MXRA5: variants seen among roughly 807,000 people sequenced by gnomAD.
MXRA5 encodes matrix-remodeling-associated protein 5.
Under a neutral mutation model 112.5 loss-of-function variants are expected in MXRA5, and 41 were observed. The observed-to-expected ratio is 0.36, with a 90% CI of 0.28 to 0.47. The LOEUF is 0.47. Ranked by LOEUF, MXRA5 falls within the 20% of genes least tolerant of loss-of-function variation. The pLI, the probability that MXRA5 is intolerant of heterozygous loss-of-function variation, is 0.99. For missense variants in MXRA5, 2,150 were observed against 2,251.0 expected, an observed-to-expected ratio of 0.96 and a Z score of 0.91; for synonymous variants, 862 against 900.8, an observed-to-expected ratio of 0.96 and a Z score of 0.77.
chrX:3,341,907 G>A (rs1431523898), intron 2 of MXRA5, among the ~76,000 whole-genome samples: 8 of 106,434 alleles, frequency 7.5e-5, no homozygotes, highest in Non-Finnish European at 1.3e-4. Context: ...CAAGGGTGGA[G>A]GAAAAAGAAG....
At chrX:3,315,298 T>TAGAA (rs1921065658) in intron 6 of MXRA5, among the ~76,000 whole-genome samples, 1 of 16,314 alleles carries the variant, frequency 6.1e-5, no homozygotes, top group Non-Finnish European at 1.0e-4. Context: ...GATGGATGGA[T>TAGAA]AGACAGAAAG....
chrX:3,314,165 T>C (rs1921032978), intron 6 of MXRA5, among the ~76,000 whole-genome samples: 1 of 112,407 alleles, frequency 8.9e-6, no homozygotes, highest in Non-Finnish European at 1.9e-5. Flanking sequence ...TTACCTTTCC[T>C]CTACTATCTG....
In MXRA5 at chrX:3,321,026, T is replaced by A. The variant is rs1439963285; in HGVS notation, c.4659A>T (p.Ser1553=). The A allele has an allele frequency of 8.3e-7, 1 of 1,210,574 alleles. No individual in the cohort carries two copies. The highest frequency in any genetic ancestry group is 2.2e-5 in the Admixed American group (1 of 45,814). The change falls in exon 5 of 7, where the codon TCA becomes TCT. Residue 1553 remains serine, a synonymous_variant. Coordinates refer to ENST00000217939, the MANE Select transcript of MXRA5 (RefSeq NM_015419.4). The part of the protein sequence containing the change: ...PVNNEGTQHM[S]GPNELSTPSS... ...AGGGTGTTGATAATTCATTTGGCCC[T>A]GACATATGCTGTGTTCCTTCATTGT...
chrX:3,342,312 T>A (rs1402178523), intron 2 of MXRA5, among the ~76,000 whole-genome samples: 1 of 111,089 alleles, frequency 9.0e-6, no homozygotes, highest in Non-Finnish European at 1.9e-5. Flanking sequence ...GGCACACATA[T>A]ACCTATGTAA....
At chrX:3,325,948 T>G (rs1415516386) in intron 4 of MXRA5, among the ~76,000 whole-genome samples, 1 of 92,438 alleles carries the variant, frequency 1.1e-5, no homozygotes, top group Admixed American at 1.4e-4. Context: ...TAATTGTAAT[T>G]TATAATATAT....
At chrX:3,344,666 C>G (rs1246560509) in intron 1 of MXRA5, among the ~76,000 whole-genome samples, 1 of 111,995 alleles carries the variant, frequency 8.9e-6, no homozygotes, top group Non-Finnish European at 1.9e-5. Context: ...TCTTCTTGTC[C>G]TGGCAATGCC....
At position 3,315,362 on chromosome X, in the gene MXRA5, TAGATAGATAGA is replaced by T. The variant is rs1921073448; in HGVS notation, c.6578+1730_6578+1740del. ...GATAGATAGATGATAGATAGATAGA[TAGATAGATAGA>T]ATAGATAGATAGATAGATGATAGAT... is the stretch of plus-strand genomic sequence containing the variant. On this transcript the variant is annotated intron_variant, in intron 6 of 6. Coordinates refer to ENST00000217939, the MANE Select transcript of MXRA5 (RefSeq NM_015419.4). 7.1e-5 allele frequency among the ~76,000 whole-genome samples: 3 copies of T among 42,206 alleles called. 1 individual carries two copies. Among genetic ancestry groups the T allele is most frequent in the African/African-American group, 3.6e-4 (2 of 5,528 alleles). 36.7% of individuals were successfully genotyped at this position (42,206 alleles called of 115,157 possible). A position where few individuals can be genotyped will look rare whatever the true frequency, so the allele number is the denominator to read the frequency against.
At chrX:3,338,937 C>T (rs1425307795) in intron 2 of MXRA5, among the ~76,000 whole-genome samples, 1 of 101,815 alleles carries the variant, frequency 9.8e-6, no homozygotes, top group East Asian at 3.1e-4. Flanking sequence ...AATAGGCAGA[C>T]TATAGATAAT....
chrX:3,346,459 C>T (rs1393368992), intron 1 of MXRA5, 56 bp downstream of exon 1: 11 of 720,537 alleles, frequency 1.5e-5, no homozygotes, highest in African/African-American at 1.4e-4. Context: ...AATCCCTTCA[C>T]CCCCTGCAGG....
Position 3,310,303 on chromosome X carries a change from C to A in MXRA5, c.7900G>T (p.Gly2634Ter), listed in dbSNP as rs1391107940. Residue 2634 changes from glycine to a stop codon, truncating the protein, a stop_gained, in exon 7 of 7, where the codon GGA becomes TGA. Transcript: ENST00000217939. LOFTEE classifies it high-confidence loss of function. ...HTERLVSLKV[G>*]LKPEANKQYH... is the part of the protein sequence containing the mutation. ...TGCTTGTTTGCTTCTGGCTTCAGTCCCACCTTCAGGGAGACCAGCCTCTCC... is the reference window on the plus strand; with the variant it reads ...TGCTTGTTTGCTTCTGGCTTCAGTCACACCTTCAGGGAGACCAGCCTCTCC... The A allele has an allele frequency of 1.2e-5, 14 of 1,206,714 alleles. No homozygotes were observed. Among genetic ancestry groups the A allele is most frequent in the Non-Finnish European group, 1.6e-5 (14 of 893,058 alleles).
At position 3,330,724 on chromosome X, in the gene MXRA5, T is replaced by G. The variant is rs145982417; in HGVS notation, c.238A>C (p.Lys80Gln). 41 of 1,206,512 alleles carry G rather than the reference T, an allele frequency of 3.4e-5. No individual in the cohort carries two copies. The African/African-American group carries it at 5.1e-4, about 15-fold the overall frequency. The change falls in exon 3 of 7, where the codon AAG becomes CAG. Residue 80 changes from lysine (K) to glutamine (Q), a missense_variant. This residue lies in a region of MXRA5 where 386 missense variants were observed against 411.0 expected (regional missense o/e 0.94). Transcript: ENST00000217939. ...LSETSFAGLT[K>Q]LELLMIHGNE... ...CCGTGAATCATAAGTAGCTCCAACT[T>G]GGTCAGTCCTGCAAATGAGGTTTCT... is the stretch of plus-strand genomic sequence containing the variant.
At position 3,310,014 on chromosome X, in the gene MXRA5, G is replaced by A. The variant is rs777124166; in HGVS notation, c.8189C>T (p.Ala2730Val). The part of the protein sequence containing the change: ...SVTSIPVIVI[A>V]YPPRITSEPT... ...CTCGCTGGTGATCCGGGGAGGATAG[G>A]CGATCACAATCACGGGGATGCTGGT... is the stretch of plus-strand genomic sequence containing the variant. Residue 2730 changes from alanine to valine, a missense_variant, in exon 7 of 7, where the codon GCC becomes GTC. Coordinates refer to ENST00000217939, the MANE Select transcript of MXRA5 (RefSeq NM_015419.4). 8.3e-7 allele frequency: 1 copy of A among 1,211,575 alleles called. No individual in the cohort carries two copies. Among genetic ancestry groups the A allele is most frequent in the South Asian group, 1.8e-5 (1 of 56,934 alleles).
At chrX:3,328,635 G>A (rs1032857936) in intron 4 of MXRA5, among the ~76,000 whole-genome samples, 1 of 110,622 alleles carries the variant, frequency 9.0e-6, no homozygotes, top group Non-Finnish European at 1.9e-5. Flanking sequence ...GAGGAAAGGA[G>A]CTTGATCCAG....
rs769717047 is a variant in MXRA5 at position 3,321,406 on chromosome X, T to A, written c.4279A>T (p.Thr1427Ser). The A allele has an allele frequency of 1.5e-5, 18 of 1,210,074 alleles. No individual in the cohort carries two copies. In the South Asian group the frequency reaches 3.2e-4, roughly 21 times the overall value. The change falls in exon 5 of 7, where the codon ACA (threonine) becomes TCA (serine). Residue 1427 changes from threonine to serine, a missense_variant. Physicochemically the swap from Thr to Ser is moderately conservative, Grantham distance 58. Coordinates refer to ENST00000217939, the MANE Select transcript of MXRA5 (RefSeq NM_015419.4). Reference protein sequence around the residue: ...DFTSEFLSSLTVSTPFHQEEA... With the variant: ...DFTSEFLSSLSVSTPFHQEEA... ...TCCTGGTGAAATGGTGTGGAGACTG[T>A]CAAAGAGGACAAAAACTCGGAAGTG...
At position 3,320,181 on chromosome X, in the gene MXRA5, T is replaced by G; in HGVS notation, c.5504A>C (p.Lys1835Thr). ...SSGSFHQSSS[K>T]FFAGGPPASK... ...TGCAGGAGGTCCTCCTGCAAAGAAC[T>G]TTGAGCTGCTCTGGTGGAAGCTTCC... Residue 1835 changes from lysine to threonine, a missense_variant, in exon 5 of 7, where the codon AAG (lysine) becomes ACG (threonine). Lys to Thr is a moderately conservative substitution (Grantham distance 78). Transcript: ENST00000217939. 8.3e-7 allele frequency: 1 copy of G among 1,210,855 alleles called. No homozygotes were observed. The highest frequency in any genetic ancestry group is 3.0e-5 in the East Asian group (1 of 33,793).
rs1463757120 is a variant in MXRA5, at chrX:3,320,860, G to A, written c.4825C>T (p.Pro1609Ser). The A allele has an allele frequency of 8.3e-7, 1 of 1,210,080 alleles. No individual in the cohort carries two copies. Among genetic ancestry groups the A allele is most frequent in the Non-Finnish European group, 1.1e-6 (1 of 895,321 alleles). Reference protein sequence around the residue: ...VHASHQLTRVPAKPILPTATV... With the variant: ...VHASHQLTRVSAKPILPTATV... ...GCTGTTGGTAGGATGGGTTTGGCAGGGACTCTGGTTAGTTGATGAGAAGCA... is the reference window on the plus strand; with the variant it reads ...GCTGTTGGTAGGATGGGTTTGGCAGAGACTCTGGTTAGTTGATGAGAAGCA... The change falls in exon 5 of 7, where the codon CCT becomes TCT. Residue 1609 changes from proline (P) to serine (S), a missense_variant. This residue lies in a region of MXRA5 where 1,485 missense variants were observed against 1,471.6 expected (regional missense o/e 1.01). Transcript: ENST00000217939.
intron 4 of MXRA5, among the ~76,000 whole-genome samples, chrX:3,329,546 T>C (rs1398912138): frequency 1.3e-5 from 1 of 77,693 alleles, no homozygotes; most frequent in African/African-American, 4.3e-5. Context: ...GTTGTTGTCA[T>C]AGCTCTCTAG....
chrX:3,319,684 G>T (rs186132335), intron 5 of MXRA5, among the ~76,000 whole-genome samples: 1 of 111,550 alleles, frequency 9.0e-6, no homozygotes, highest in African/African-American at 3.3e-5. Context: ...GAGAGGGAGG[G>T]GTGGCAAGGG....
chrX:3,319,955 A>C, intron 5 of MXRA5, 53 bp downstream of exon 5: 1 of 931,235 alleles, frequency 1.1e-6, no homozygotes, highest in Admixed American at 3.1e-5. Context: ...ATTGCTAGCC[A>C]ATAAAATAAA....
Sources: allele counts gnomAD v4.1 joint callset (sites outside exome capture counted in the v4.1 genomes callset), GRCh38; gene constraint gnomAD v4.1.1; regional missense constraint gnomAD v4.1.1; transcripts MANE v1.5; gene names NCBI Gene and HGNC (gene_info 2026-07-23, HGNC 2026-07-21).